The following TMC1 variants were observed in gnomAD, a reference collection of about 807,000 sequenced individuals.
TMC1 encodes transmembrane channel-like protein 1.
In TMC1, 84 loss-of-function variants were observed where a neutral mutation model predicts 105.8. The ratio of observed to expected loss-of-function variants is 0.79; its 90% CI spans 0.67 to 0.95. The LOEUF (loss-of-function observed/expected upper bound fraction) is 0.95, where lower values mean the gene tolerates loss of function less well. TMC1 is among the 40% of genes least tolerant of loss of function. The pLI, the probability that TMC1 is intolerant of heterozygous loss-of-function variation, is 0.00. For missense variants in TMC1, 817 were observed against 914.1 expected (o/e 0.89, Z 1.37); for synonymous variants, 315 against 311.5 (o/e 1.01, Z -0.12).
intron 2 of TMC1, among the ~76,000 whole-genome samples, chr9:72,590,220 G>A (rs554419504): frequency 3.3e-5 from 5 of 152,308 alleles, no homozygotes; most frequent in South Asian, 4.1e-4. Flanking sequence ...GTATTTGACC[G>A]TTTGATCTCT....
chr9:72,836,117 AT>A lies in TMC1; in HGVS notation c.*146del. 1.1e-6 allele frequency: 1 copy of A among 934,518 alleles called. No homozygotes were observed. 57.9% of individuals were successfully genotyped at this position (934,518 alleles called of 1,614,324 possible). A position where few individuals can be genotyped will look rare whatever the true frequency, so the allele number is the denominator to read the frequency against. ...TGGATTTTCAAGGTCATGCTGGCCA[AT>A]TAAGGCATCATCAGTCCTACCTGAG... On this transcript the variant is annotated 3_prime_UTR_variant, in exon 24 of 24. Coordinates refer to ENST00000297784, the MANE Select transcript of TMC1 (RefSeq NM_138691.3).
chr9:72,737,187 A>C (rs922008445), intron 8 of TMC1, among the ~76,000 whole-genome samples: 1 of 152,138 alleles, frequency 6.6e-6, no homozygotes, highest in Non-Finnish European at 1.5e-5. Flanking sequence ...AGCTGGGTGC[A>C]GTTTTCTGCA....
intron 2 of TMC1, among the ~76,000 whole-genome samples, chr9:72,596,828 G>A (rs1011694294): frequency 1.3e-5 from 2 of 151,932 alleles, no homozygotes; most frequent in African/African-American, 4.8e-5. Context: ...GCTAACTAAA[G>A]AAAGAAAAAA....
intron 3 of TMC1, among the ~76,000 whole-genome samples, chr9:72,623,149 TTTTTTTTTTTTTC>T (rs1825286517): frequency 6.7e-5 from 4 of 59,372 alleles, no homozygotes; most frequent in African/African-American, 3.2e-4. Context: ...CTCTCCCTGT[TTTTTTTTTTTTTC>T]TTTTTTTTTT....
chr9:72,526,700 T>C lies in TMC1; in HGVS notation c.-428+4787T>C, dbSNP rs77364467. 4.3e-3 allele frequency among the ~76,000 whole-genome samples: 659 copies of C among 152,298 alleles called. 4 individuals are homozygous for C. The highest frequency in any genetic ancestry group is 0.015 in the African/African-American group (626 of 41,568). On this transcript the variant is annotated intron_variant, in intron 1 of 23. Transcript: ENST00000297784. ...ATGTGCAAGTGTCTAGTTAGGCCAATAGATATCCTTAACATACGTGAGCTG... is the reference window on the plus strand; with the variant it reads ...ATGTGCAAGTGTCTAGTTAGGCCAACAGATATCCTTAACATACGTGAGCTG...
chr9:72,701,052 A>C (rs1318519197), intron 8 of TMC1, among the ~76,000 whole-genome samples: 2 of 151,972 alleles, frequency 1.3e-5, no homozygotes, highest in African/African-American at 4.8e-5. Flanking sequence ...AGCTTAATAC[A>C]TTTGTTACCA....
At chr9:72,528,609 C>T (rs896239335) in intron 1 of TMC1, among the ~76,000 whole-genome samples, 1 of 152,140 alleles carries the variant, frequency 6.6e-6, no homozygotes, top group Non-Finnish European at 1.5e-5. Flanking sequence ...GCTAGGGTTA[C>T]AGATGTGAGC....
intron 11 of TMC1, among the ~76,000 whole-genome samples, chr9:72,753,661 G>A (rs1827621956): frequency 6.6e-6 from 1 of 152,106 alleles, no homozygotes; most frequent in South Asian, 2.1e-4. Flanking sequence ...AAGAACAAGA[G>A]AATGGACACC....
intron 8 of TMC1, among the ~76,000 whole-genome samples, chr9:72,710,015 C>A (rs1004521884): frequency 6.6e-6 from 1 of 152,018 alleles, no homozygotes. Flanking sequence ...TTAGCACCAC[C>A]TTTGATGTAT....
At chr9:72,775,540 C>G (rs1307404221) in intron 13 of TMC1, among the ~76,000 whole-genome samples, 1 of 152,174 alleles carries the variant, frequency 6.6e-6, no homozygotes, top group African/African-American at 2.4e-5. Flanking sequence ...TATTTTACAG[C>G]AGCTAAACTA....
At chr9:72,766,510 C>T (rs1827841779) in intron 12 of TMC1, among the ~76,000 whole-genome samples, 1 of 151,958 alleles carries the variant, frequency 6.6e-6, no homozygotes, top group South Asian at 2.1e-4. Context: ...TGAAAATTCC[C>T]ATTTGTTGGA....
intron 4 of TMC1, among the ~76,000 whole-genome samples, chr9:72,634,071 A>T (rs1482434212): frequency 3.3e-5 from 5 of 152,258 alleles, no homozygotes; most frequent in Middle Eastern, 3.4e-3. Context: ...TAGGGTTTTT[A>T]AGGATAATTT....
chr9:72,639,253 T>C (rs1825585281), intron 4 of TMC1, among the ~76,000 whole-genome samples: 1 of 152,180 alleles, frequency 6.6e-6, no homozygotes, highest in African/African-American at 2.4e-5. Flanking sequence ...TTTCATGGGA[T>C]TTATTTGCAA....
At chr9:72,756,789 A>G (rs1827682610) in intron 12 of TMC1, among the ~76,000 whole-genome samples, 1 of 152,192 alleles carries the variant, frequency 6.6e-6, no homozygotes, top group Non-Finnish European at 1.5e-5. Flanking sequence ...ACTGAAATGG[A>G]AAATTTTGGG....
At chr9:72,793,148 C>T (rs758858570) in intron 17 of TMC1, among the ~76,000 whole-genome samples, 6 of 152,096 alleles carry the variant, frequency 3.9e-5, no homozygotes, top group Non-Finnish European at 7.4e-5. Flanking sequence ...TGCAGAGACC[C>T]GGGAGCCTTA....
chr9:72,801,397 A>G (rs1412081256), intron 17 of TMC1, among the ~76,000 whole-genome samples: 2 of 152,184 alleles, frequency 1.3e-5, no homozygotes, highest in Admixed American at 1.3e-4. Flanking sequence ...GAGAAGACTG[A>G]GACTTAGGTA....
chr9:72,702,320 G>T lies in TMC1; in HGVS notation c.362+1677G>T, dbSNP rs76791378. Among the ~76,000 whole-genome samples, 45 of 152,242 alleles carry T rather than the reference G, an allele frequency of 3.0e-4. No individual in the cohort carries two copies. In the East Asian group the frequency reaches 6.7e-3, roughly 23 times the overall value. ...CCTGGTCTTTGCCCGTATCTCTCGT[G>T]CAGGATCGTGGAGGAGACAGCAGCT... On this transcript the variant is annotated intron_variant, in intron 8 of 23. Coordinates refer to ENST00000297784, the MANE Select transcript of TMC1 (RefSeq NM_138691.3).
At chr9:72,795,741 AGC>A (rs1828353271) in intron 17 of TMC1, among the ~76,000 whole-genome samples, 1 of 152,226 alleles carries the variant, frequency 6.6e-6, no homozygotes, top group Admixed American at 6.5e-5. Context: ...CATACAAACA[AGC>A]CAGCATAATA....
intron 1 of TMC1, among the ~76,000 whole-genome samples, chr9:72,532,016 C>G (rs1463166691): frequency 6.6e-6 from 1 of 152,026 alleles, no homozygotes; most frequent in East Asian, 2.0e-4. Flanking sequence ...ACTGCAACCT[C>G]CATCTCCTAG....
Sources: allele counts gnomAD v4.1 joint callset (sites outside exome capture counted in the v4.1 genomes callset), GRCh38; gene constraint gnomAD v4.1.1; transcripts MANE v1.5; gene names NCBI Gene and HGNC (gene_info 2026-07-23, HGNC 2026-07-21).